The following CMYA5 variants were observed in gnomAD, a reference collection of about 807,000 sequenced individuals.
CMYA5 encodes the protein cardiomyopathy-associated protein 5.
In CMYA5, 246 loss-of-function variants were observed where a neutral mutation model predicts 318.9. The ratio of observed to expected loss-of-function variants is 0.77; its 90% confidence interval spans 0.70 to 0.86. CMYA5 has a LOEUF of 0.86. CMYA5 is among the 40% of genes least tolerant of loss of function. CMYA5 has a pLI of 0.00. For missense variants in CMYA5, 4,589 were observed against 4,678.2 expected, an observed-to-expected ratio of 0.98 and a Z score of 0.56; for synonymous variants, 1,641 against 1,729.5, an observed-to-expected ratio of 0.95 and a Z score of 1.27.
Position 79,733,190 on chromosome 5 carries a change from C to G in CMYA5, c.4425C>G (p.Ile1475Met), listed in dbSNP as rs116319206. 1.7e-4 allele frequency: 280 copies of G among 1,613,694 alleles called. 4 individuals are homozygous for G. In the African/African-American group the frequency reaches 3.5e-3, roughly 20 times the overall value. ...AAGTTAAAGCTGGGTTGCCAGTAAT[C>G]AAAACATCATCTTCTCAGCATTCAG... ...AKEVKAGLPV[I>M]KTSSSQHSDK... The change falls in exon 2 of 13, where the codon ATC (isoleucine) becomes ATG (methionine). Residue 1475 changes from isoleucine (I) to methionine (M), a missense_variant. Physicochemically the swap from Ile to Met is conservative, Grantham distance 10. Around this residue, in one of 3 missense-constraint regions of CMYA5, gnomAD observed 2,132 missense variants for 2,131.3 expected, o/e 1.00. Coordinates refer to ENST00000446378, the MANE Select transcript of CMYA5 (RefSeq NM_153610.5).
chr5:79,726,909 A>AT (rs34198193), intron 1 of CMYA5, among the ~76,000 whole-genome samples: 11,769 of 95,840 alleles, frequency 0.12, 1,269 homozygotes, highest in African/African-American at 0.21. Context: ...TAGGCCAGTG[A>AT]TTTTTTTTTT....
rs76275506 is a variant in CMYA5 at position 79,792,664 on chromosome 5, A to G, written c.11790-773A>G. On this transcript the variant is annotated intron_variant, in intron 11 of 12. Transcript: ENST00000446378. The stretch of plus-strand genomic sequence containing the variant: ...GAGAGAGTGCTGACTGAATATTAAC[A>G]CTGCTTAAATTAAAAATGCTTCCTT... Among the ~76,000 whole-genome samples, 1,102 of 152,278 alleles carry G rather than the reference A, an allele frequency of 7.2e-3. 17 individuals carry two copies. The highest frequency in any genetic ancestry group is 0.026 in the African/African-American group (1,070 of 41,552).
At chr5:79,769,669 G>A (rs768282090) in intron 9 of CMYA5, among the ~76,000 whole-genome samples, 3 of 152,118 alleles carry the variant, frequency 2.0e-5, no homozygotes, top group Non-Finnish European at 4.4e-5. Context: ...TCCTTCCTCC[G>A]GAAGCTTCAT....
Position 79,734,248 on chromosome 5 carries a change from T to G in CMYA5, c.5483T>G (p.Leu1828Arg), listed in dbSNP as rs1484449854. The change falls in exon 2 of 13, where the codon CTT becomes CGT. Residue 1828 changes from leucine to arginine, a missense_variant. Transcript: ENST00000446378. ...LVEQKKTEKALHSDQTVKLPD... is the reference protein window; with the variant it reads ...LVEQKKTEKARHSDQTVKLPD... Reference sequence around the variant, plus strand: ...GAACAAAAAAAGACAGAAAAAGCACTTCATTCAGATCAAACTGTTAAATTA... The same window carrying G: ...GAACAAAAAAAGACAGAAAAAGCACGTCATTCAGATCAAACTGTTAAATTA... 6.2e-7 allele frequency: 1 copy of G among 1,613,706 alleles called. No individual in the cohort carries two copies. Among genetic ancestry groups the G allele is most frequent in the Non-Finnish European group, 8.5e-7 (1 of 1,179,776 alleles).
Position 79,730,523 on chromosome 5 carries a change from ATC to A in CMYA5, c.1760_1761del (p.Ser587CysfsTer20), listed in dbSNP as rs1204829558. On this transcript the variant is annotated frameshift_variant, in exon 2 of 13. Transcript: ENST00000446378. LOFTEE classifies it high-confidence loss of function. ...CTGAGGAAGAAAGAGAGGAAATTGC[ATC>A]TGTTTCTACTGGTTCTGCTTTTGTA... ...LSEEEREEIASVSTGSAFVSE... is the reference protein window; with the variant it reads ...LSEEEREEIAXVSTGSAFVSE... 6 of 1,613,860 alleles carry A rather than the reference ATC, an allele frequency of 3.7e-6. No homozygotes were observed. The Admixed American group carries it at 5.0e-5, about 13-fold the overall frequency.
At chr5:79,724,223 C>CTGAGAA (rs1282952614) in intron 1 of CMYA5, among the ~76,000 whole-genome samples, 1 of 151,874 alleles carries the variant, frequency 6.6e-6, no homozygotes, top group Non-Finnish European at 1.5e-5. Flanking sequence ...ACTTGGGAGG[C>CTGAGAA]TGAGGCAGGA....
In CMYA5 at chr5:79,729,633, C is replaced by T; in HGVS notation, c.868C>T (p.Gln290Ter). 1 of 1,613,750 alleles carries T rather than the reference C, an allele frequency of 6.2e-7. No individual in the cohort carries two copies. The highest frequency in any genetic ancestry group is 8.5e-7 in the Non-Finnish European group (1 of 1,179,836). The change falls in exon 2 of 13, where the codon CAA (glutamine) becomes TAA (stop). Residue 290 changes from glutamine (Q) to a stop codon, truncating the protein, a stop_gained. Transcript: ENST00000446378. LOFTEE classifies it high-confidence loss of function. ...GTCCAAAACACGCAAATTAGTAGCC[C>T]AAAGCATAGAGGATAAAGTAAAAGA... is the stretch of plus-strand genomic sequence containing the variant. The part of the protein sequence containing the change: ...TVSKTRKLVA[Q>*]SIEDKVKEVF...
intron 10 of CMYA5, among the ~76,000 whole-genome samples, chr5:79,790,029 C>T (rs768786134): frequency 3.9e-5 from 6 of 152,168 alleles, no homozygotes; most frequent in Non-Finnish European, 8.8e-5. Context: ...GGAAAGAGGA[C>T]CATTTTATTA....
At chr5:79,786,184 T>C (rs1218369055) in intron 9 of CMYA5, among the ~76,000 whole-genome samples, 2 of 152,174 alleles carry the variant, frequency 1.3e-5, no homozygotes, top group South Asian at 2.1e-4. Context: ...AAGTTTCAGC[T>C]CCACTGGAGC....
At chr5:79,785,990 C>A (rs1302781972) in intron 9 of CMYA5, among the ~76,000 whole-genome samples, 1 of 152,214 alleles carries the variant, frequency 6.6e-6, no homozygotes, top group Non-Finnish European at 1.5e-5. Context: ...GGCTTCCACT[C>A]ATTTTCCTCT....
intron 1 of CMYA5, among the ~76,000 whole-genome samples, chr5:79,720,921 G>A (rs923332790): frequency 6.6e-6 from 1 of 152,050 alleles, no homozygotes; most frequent in Non-Finnish European, 1.5e-5. Context: ...ACAATAAAAA[G>A]GTTCTGTATC....
At chr5:79,708,916 T>A (rs545858200) in intron 1 of CMYA5, among the ~76,000 whole-genome samples, 2 of 152,184 alleles carry the variant, frequency 1.3e-5, no homozygotes, top group African/African-American at 4.8e-5. Context: ...TCTGTCACTC[T>A]GGGTGACAGA....
At chr5:79,778,840 T>TGTGTGTGTGTGTGTG (rs1453105123) in intron 9 of CMYA5, among the ~76,000 whole-genome samples, 14 of 122,076 alleles carry the variant, frequency 1.1e-4, no homozygotes, top group South Asian at 5.7e-4. Flanking sequence ...TGTGTGTATG[T>TGTGTGTGTGTGTGTG]TTATTCACTC....
At chr5:79,741,606 T>G (rs1561215279) in intron 2 of CMYA5, among the ~76,000 whole-genome samples, 1 of 152,140 alleles carries the variant, frequency 6.6e-6, no homozygotes, top group East Asian at 1.9e-4. Flanking sequence ...CAACTTCTTT[T>G]GTGAAATCTC....
chr5:79,699,501 A>G (rs1007038131), intron 1 of CMYA5, among the ~76,000 whole-genome samples: 1 of 152,330 alleles, frequency 6.6e-6, no homozygotes. Flanking sequence ...ATTTTTGAAT[A>G]GATCCTTTCA....
intron 1 of CMYA5, among the ~76,000 whole-genome samples, chr5:79,709,659 G>A (rs76414145): frequency 0.056 from 8,415 of 151,160 alleles, 760 homozygotes; most frequent in African/African-American, 0.19. Context: ...GTTTTGGTGT[G>A]GTATAAAGAA....
rs1379150129 is a variant in CMYA5, at chr5:79,690,056, G to A, written c.149G>A (p.Arg50Lys). 2 of 1,442,384 alleles carry A rather than the reference G, an allele frequency of 1.4e-6. No homozygotes were observed. Among genetic ancestry groups the A allele is most frequent in the South Asian group, 1.4e-5 (1 of 70,012 alleles). 89.3% of individuals were successfully genotyped at this position (1,442,384 alleles called of 1,614,324 possible). ...AAESEEEPDS[R>K]LSDQDEEGKI... is the part of the protein sequence containing the mutation. ...GAGTCGGAGGAGGAGCCGGACTCCA[G>A]GTAGCGCGAGCCTCTCTCCTCGGCC... Residue 50 changes from arginine to lysine, a missense_variant and splice_region_variant, in exon 1 of 13, where the codon AGG becomes AAG. Arg to Lys is a conservative substitution (Grantham distance 26). Around this residue, in one of 3 missense-constraint regions of CMYA5, gnomAD observed 2,132 missense variants for 2,131.3 expected, o/e 1.00. Coordinates refer to ENST00000446378, the MANE Select transcript of CMYA5 (RefSeq NM_153610.5).
chr5:79,764,848 T>C (rs6880682), intron 9 of CMYA5, among the ~76,000 whole-genome samples: 16,535 of 152,146 alleles, frequency 0.11, 1,172 homozygotes, highest in East Asian at 0.31. Flanking sequence ...TTTTTTTTTC[T>C]TGTAAATTTG....
chr5:79,778,900 A>ATTTTTTTTTTTTTTTT (rs201686318), intron 9 of CMYA5, among the ~76,000 whole-genome samples: 2 of 94,818 alleles, frequency 2.1e-5, no homozygotes, highest in Non-Finnish European at 4.1e-5. Flanking sequence ...ATTTATTTTT[A>ATTTTTTTTTTTTTTTT]TTTTTTTTTT....
Sources: gnomAD v4.1 joint callset for allele counts (sites outside exome capture counted in the v4.1 genomes callset) on GRCh38, gnomAD v4.1.1 for gene constraint, gnomAD v4.1.1 regional missense constraint, MANE v1.5 for transcripts, NCBI Gene and HGNC (gene_info 2026-07-23, HGNC 2026-07-21) for gene names.